The following LRMDA variants were observed in gnomAD, a reference collection of about 807,000 sequenced individuals.
LRMDA encodes leucine-rich melanocyte differentiation-associated protein.
In LRMDA, 18 loss-of-function variants were observed where a neutral mutation model predicts 29.8. That is an observed-to-expected ratio of 0.60 (90% CI 0.42 to 0.90). The LOEUF (loss-of-function observed/expected upper bound fraction) is 0.90. Among genes scored for constraint, LRMDA ranks in the 40% least tolerant of loss-of-function variants. LRMDA has a pLI of 0.00. For missense variants in LRMDA, 273 were observed against 273.9 expected, an observed-to-expected ratio of 1.00 and a Z score of 0.02; for synonymous variants, 125 against 109.4, an observed-to-expected ratio of 1.14 and a Z score of -0.89.
intron 2 of LRMDA, among the ~76,000 whole-genome samples, chr10:75,494,899 A>G (rs1845027230): frequency 6.6e-6 from 1 of 152,106 alleles, no homozygotes; most frequent in South Asian, 2.1e-4. Flanking sequence ...AGGGTATGGG[A>G]TCTTGAACTA....
intron 2 of LRMDA, among the ~76,000 whole-genome samples, chr10:75,665,032 C>A (rs1265764274): frequency 6.6e-6 from 1 of 152,150 alleles, no homozygotes; most frequent in African/African-American, 2.4e-5. Flanking sequence ...CCAACTACTA[C>A]TTACTGGAGC....
Position 76,529,904 on chromosome 10 carries a change from A to G in LRMDA, c.602-27305A>G, listed in dbSNP as rs567516063. ...CCTCAGAGGTAAGAAGACTTGGGCC[A>G]ATAGGTTTGACTTTGTTGGTTGGAT... On this transcript the variant is annotated intron_variant, in intron 6 of 6. Coordinates refer to ENST00000611255, the MANE Select transcript of LRMDA (RefSeq NM_001305581.2). Among the ~76,000 whole-genome samples, 4 of 152,250 alleles carry G rather than the reference A, an allele frequency of 2.6e-5. No homozygotes were observed. The East Asian group carries it at 7.7e-4, about 29-fold the overall frequency.
chr10:75,687,145 G>T (rs940664640), intron 2 of LRMDA, among the ~76,000 whole-genome samples: 1 of 152,172 alleles, frequency 6.6e-6, no homozygotes, highest in Non-Finnish European at 1.5e-5. Context: ...GGCTCTAAGT[G>T]TTCAAATGCA....
At chr10:76,093,610 C>T (rs964443467) in intron 5 of LRMDA, among the ~76,000 whole-genome samples, 1 of 152,076 alleles carries the variant, frequency 6.6e-6, no homozygotes, top group African/African-American at 2.4e-5. Context: ...CCCTTTCCTT[C>T]ATTGCCCGAC....
chr10:75,681,036 T>C (rs1335745492), intron 2 of LRMDA, among the ~76,000 whole-genome samples: 1 of 152,212 alleles, frequency 6.6e-6, no homozygotes, highest in Non-Finnish European at 1.5e-5. Flanking sequence ...CAGACCACTA[T>C]AGATTTATCA....
intron 2 of LRMDA, among the ~76,000 whole-genome samples, chr10:75,747,432 T>C (rs1842902978): frequency 6.6e-6 from 1 of 152,026 alleles, no homozygotes; most frequent in African/African-American, 2.4e-5. Flanking sequence ...AAGCAAAAAA[T>C]AATGTGATAC....
At chr10:76,503,737 G>T (rs923826852) in intron 6 of LRMDA, among the ~76,000 whole-genome samples, 1 of 151,498 alleles carries the variant, frequency 6.6e-6, no homozygotes, top group Non-Finnish European at 1.5e-5. Flanking sequence ...TATTAGTCTA[G>T]CTAGAGATCT....
At chr10:76,034,465 C>T (rs971268355) in intron 2 of LRMDA, among the ~76,000 whole-genome samples, 1 of 152,100 alleles carries the variant, frequency 6.6e-6, no homozygotes, top group Non-Finnish European at 1.5e-5. Context: ...GAGGAGCAGG[C>T]GTGCTCTGGG....
chr10:76,423,646 A>T (rs1842092565), intron 6 of LRMDA, among the ~76,000 whole-genome samples: 1 of 152,198 alleles, frequency 6.6e-6, no homozygotes, highest in African/African-American at 2.4e-5. Context: ...TTATAAAGGG[A>T]ATGGCACTGT....
intron 2 of LRMDA, among the ~76,000 whole-genome samples, chr10:75,752,187 TG>T (rs1842977306): frequency 6.6e-6 from 1 of 150,678 alleles, no homozygotes; most frequent in African/African-American, 2.4e-5. Context: ...GCTTCTATTA[TG>T]GGAGTGATAT....
chr10:76,262,836 A>C (rs1015173524), intron 5 of LRMDA, among the ~76,000 whole-genome samples: 8 of 151,858 alleles, frequency 5.3e-5, no homozygotes, highest in African/African-American at 1.9e-4. Context: ...GACTTGTGAC[A>C]CTCTGTTTCC....
chr10:76,056,563 C>T (rs1433120799), intron 4 of LRMDA, among the ~76,000 whole-genome samples: 2 of 152,232 alleles, frequency 1.3e-5, no homozygotes, highest in Middle Eastern at 3.2e-3. Flanking sequence ...CTTGGCCTCC[C>T]TGCTGTGCTC....
At chr10:75,608,529 A>G (rs1267098606) in intron 2 of LRMDA, among the ~76,000 whole-genome samples, 4 of 152,182 alleles carry the variant, frequency 2.6e-5, no homozygotes, top group African/African-American at 4.8e-5. Flanking sequence ...AGAGAAGACT[A>G]CATTAATTAG....
chr10:76,216,665 G>A (rs1467191231), intron 5 of LRMDA, among the ~76,000 whole-genome samples: 1 of 152,170 alleles, frequency 6.6e-6, no homozygotes, highest in Non-Finnish European at 1.5e-5. Flanking sequence ...ATGTTGGAGA[G>A]TATGTATATC....
intron 5 of LRMDA, among the ~76,000 whole-genome samples, chr10:76,228,729 G>T (rs1442722274): frequency 1.3e-5 from 2 of 152,152 alleles, no homozygotes; most frequent in Non-Finnish European, 2.9e-5. Flanking sequence ...TGTGTTATTT[G>T]CAGGAGTAAT....
intron 2 of LRMDA, among the ~76,000 whole-genome samples, chr10:75,766,646 C>CT (rs1377703721): frequency 1.3e-5 from 2 of 151,422 alleles, no homozygotes; most frequent in African/African-American, 2.4e-5. Flanking sequence ...TTAAATTTTA[C>CT]TTTAAGTTCT....
At chr10:76,175,748 C>A (rs1021838021) in intron 5 of LRMDA, among the ~76,000 whole-genome samples, 6 of 152,184 alleles carry the variant, frequency 3.9e-5, no homozygotes, top group African/African-American at 1.4e-4. Flanking sequence ...AAGGGCAGGG[C>A]AGACCCTGCA....
chr10:76,479,013 G>A (rs564927446), intron 6 of LRMDA, among the ~76,000 whole-genome samples: 101 of 151,554 alleles, frequency 6.7e-4, no homozygotes, highest in African/African-American at 2.4e-3. Context: ...AAACCTGCAC[G>A]TTGTACACAT....
At chr10:76,005,156 T>A (rs1034693529) in intron 2 of LRMDA, among the ~76,000 whole-genome samples, 5 of 152,174 alleles carry the variant, frequency 3.3e-5, no homozygotes, top group Admixed American at 6.5e-5. Flanking sequence ...TTTCTCTGTC[T>A]CTCTTTTTCT....
Sources: gnomAD v4.1 joint callset for allele counts (sites outside exome capture counted in the v4.1 genomes callset) on GRCh38, gnomAD v4.1.1 for gene constraint, MANE v1.5 for transcripts, NCBI Gene and HGNC (gene_info 2026-07-23, HGNC 2026-07-21) for gene names.